STXBP3: variants seen among roughly 807,000 people sequenced by gnomAD.
The protein encoded by STXBP3 is syntaxin binding protein 3.
Under a neutral mutation model 85.7 loss-of-function variants are expected in STXBP3, and 41 were observed. That is an observed-to-expected ratio of 0.48 (90% CI 0.37 to 0.62). The LOEUF (loss-of-function observed/expected upper bound fraction) is 0.62, where lower values mean the gene tolerates loss of function less well. Ranked by LOEUF, STXBP3 falls within the 20% of genes least tolerant of loss-of-function variation. The pLI, the probability that STXBP3 is intolerant of heterozygous loss-of-function variation, is 0.00. For missense variants in STXBP3, 563 were observed against 703.1 expected (o/e 0.80, Z 2.25); for synonymous variants, 229 against 231.7 (o/e 0.99, Z 0.10).
chr1:108,759,892 A>G (rs933808763), intron 5 of STXBP3, 93 bp from the exon 6 acceptor site: 2 of 748,486 alleles, frequency 2.7e-6, no homozygotes, highest in Non-Finnish European at 4.5e-6. Context: ...AAAGCCAGTA[A>G]TTATGTATAA....
intron 11 of STXBP3, 94 bp from the exon 12 acceptor site, chr1:108,793,488 G>C: frequency 9.0e-7 from 1 of 1,110,674 alleles, no homozygotes. Context: ...AAATTAACTA[G>C]ATTTGATAAT....
chr1:108,798,235 GA>G lies in STXBP3; in HGVS notation c.1448del (p.Glu483GlyfsTer8). The G allele has an allele frequency of 6.2e-7, 1 of 1,605,612 alleles. No homozygotes were observed. Among genetic ancestry groups the G allele is most frequent in the Non-Finnish European group, 8.5e-7 (1 of 1,177,132 alleles). On this transcript the variant is annotated frameshift_variant and splice_region_variant, in exon 16 of 19. Transcript: ENST00000370008. LOFTEE classifies it high-confidence loss of function. ...GACACCTTTTATCAAAGATATTATG[GA>G]GGTAAAAATCATTAAAATGTTTTTT... ...RWTPFIKDIM[E>X]DAIDNRLDSK...
intron 11 of STXBP3, among the ~76,000 whole-genome samples, chr1:108,790,583 A>G (rs1175820123): frequency 6.6e-6 from 1 of 151,986 alleles, no homozygotes; most frequent in African/African-American, 2.4e-5. Context: ...TTATTGATAT[A>G]GTTAAATTTA....
intron 6 of STXBP3, among the ~76,000 whole-genome samples, chr1:108,761,085 T>C (rs1662130605): frequency 1.3e-5 from 2 of 152,074 alleles, no homozygotes; most frequent in African/African-American, 4.8e-5. Flanking sequence ...TTTGTATTTT[T>C]AGAAGAGATG....
intron 1 of STXBP3, among the ~76,000 whole-genome samples, chr1:108,749,514 G>A (rs571788947): frequency 6.6e-6 from 1 of 152,198 alleles, no homozygotes; most frequent in Non-Finnish European, 1.5e-5. Context: ...AGAGAATTGA[G>A]TCTTGAGATA....
At chr1:108,762,796 C>A (rs953406167) in intron 6 of STXBP3, among the ~76,000 whole-genome samples, 11 of 152,188 alleles carry the variant, frequency 7.2e-5, no homozygotes, top group African/African-American at 2.7e-4. Flanking sequence ...CTGCTTATAT[C>A]TATCCTGTAG....
intron 18 of STXBP3, among the ~76,000 whole-genome samples, chr1:108,808,252 C>G (rs535638783): frequency 1.6e-4 from 24 of 152,300 alleles, no homozygotes; most frequent in African/African-American, 5.8e-4. Flanking sequence ...TGGCTCAGGC[C>G]TGTAATTCCA....
intron 11 of STXBP3, among the ~76,000 whole-genome samples, chr1:108,788,825 G>T (rs1029752353): frequency 1.3e-5 from 2 of 152,092 alleles, no homozygotes; most frequent in African/African-American, 4.8e-5. Context: ...ACTTGGGGAG[G>T]CCAAGGCAGA....
At chr1:108,764,337 T>A (rs1662211410) in intron 6 of STXBP3, among the ~76,000 whole-genome samples, 1 of 152,192 alleles carries the variant, frequency 6.6e-6, no homozygotes, top group South Asian at 2.1e-4. Flanking sequence ...TCTTTGCTAT[T>A]GTGAATAGTG....
intron 9 of STXBP3, chr1:108,780,180 A>G (rs887508180): frequency 3.9e-5 from 6 of 152,282 alleles, no homozygotes; most frequent in African/African-American, 1.2e-4. Context: ...AGATACAGAC[A>G]CTTGTGATAG....
chr1:108,804,453 C>A (rs968161468), intron 17 of STXBP3, among the ~76,000 whole-genome samples: 3 of 152,018 alleles, frequency 2.0e-5, no homozygotes, highest in Admixed American at 2.0e-4. Context: ...TTTAAACATA[C>A]CTAATTTGTA....
chr1:108,794,963 G>A, intron 13 of STXBP3, 56 bp downstream of exon 13: 1 of 1,483,848 alleles, frequency 6.7e-7, no homozygotes, highest in Admixed American at 2.0e-5. Flanking sequence ...GATAAACTTT[G>A]TAAGTTAAAA....
intron 11 of STXBP3, among the ~76,000 whole-genome samples, chr1:108,783,160 G>T (rs1025094648): frequency 2.0e-5 from 3 of 152,248 alleles, no homozygotes; most frequent in Non-Finnish European, 2.9e-5. Context: ...GATTACAGGT[G>T]TGAGCCACTG....
chr1:108,758,396 AG>A, intron 4 of STXBP3, 113 bp from the exon 5 acceptor site: 1 of 473,230 alleles, frequency 2.1e-6, no homozygotes, highest in South Asian at 4.6e-5. Context: ...TTAAACTTTT[AG>A]CCAGTAAAGT....
At chr1:108,780,421 T>C (rs1038598712) in intron 9 of STXBP3, 3 of 152,100 alleles carry the variant, frequency 2.0e-5, no homozygotes, top group Non-Finnish European at 4.4e-5. Flanking sequence ...AGTAGACTTA[T>C]TTTTTAAAAA....
In STXBP3 at chr1:108,751,566, A is replaced by G. The variant is rs187613609; in HGVS notation, c.50-691A>G. On this transcript the variant is annotated intron_variant, in intron 1 of 18. Transcript: ENST00000370008. ...TTTTAATTATATTTTATGTATTACT[A>G]TGTATTACTACCGATTTTAAAATCA... is the stretch of plus-strand genomic sequence containing the variant. 4.6e-3 allele frequency among the ~76,000 whole-genome samples: 696 copies of G among 152,158 alleles called. 6 individuals carry two copies. The highest frequency in any genetic ancestry group is 0.015 in the African/African-American group (639 of 41,580).
At chr1:108,762,891 C>T (rs2101108518) in intron 6 of STXBP3, among the ~76,000 whole-genome samples, 1 of 152,328 alleles carries the variant, frequency 6.6e-6, no homozygotes, top group Middle Eastern at 3.4e-3. Flanking sequence ...TGCCAAAATC[C>T]TCCAACTTAA....
chr1:108,747,904 A>G (rs879889202), intron 1 of STXBP3, among the ~76,000 whole-genome samples: 2 of 152,222 alleles, frequency 1.3e-5, no homozygotes, highest in Non-Finnish European at 2.9e-5. Context: ...GAGATGTTTT[A>G]AAACAATGGT....
chr1:108,751,222 G>A (rs1401176114), intron 1 of STXBP3, among the ~76,000 whole-genome samples: 1 of 152,050 alleles, frequency 6.6e-6, no homozygotes, highest in Non-Finnish European at 1.5e-5. Context: ...GCTGTATAGG[G>A]GCCCCTCACC....
Sources: allele counts gnomAD v4.1 joint callset (sites outside exome capture counted in the v4.1 genomes callset), GRCh38; gene constraint gnomAD v4.1.1; transcripts MANE v1.5; gene names NCBI Gene and HGNC (gene_info 2026-07-23, HGNC 2026-07-21).